LMAN1: variants seen among roughly 807,000 people sequenced by gnomAD.
LMAN1 encodes the protein protein ERGIC-53.
In LMAN1, 32 loss-of-function variants were observed where a neutral mutation model predicts 67.8. That is an observed-to-expected ratio of 0.47 (90% confidence interval 0.36 to 0.63). The LOEUF is 0.63. Ranked by LOEUF, LMAN1 falls within the 30% of genes least tolerant of loss-of-function variation. LMAN1 has a pLI of 0.00. For missense variants in LMAN1, 632 were observed against 628.2 expected, an observed-to-expected ratio of 1.01 and a Z score of -0.06; for synonymous variants, 235 against 219.3, an observed-to-expected ratio of 1.07 and a Z score of -0.63.
chr18:59,353,516 C>T (rs1908592680), intron 4 of LMAN1, among the ~76,000 whole-genome samples: 1 of 152,128 alleles, frequency 6.6e-6, no homozygotes, highest in African/African-American at 2.4e-5. Flanking sequence ...CATGTAGATT[C>T]CACTCCAAAT....
At chr18:59,345,524 T>C (rs1453641690) in intron 8 of LMAN1, among the ~76,000 whole-genome samples, 3 of 152,190 alleles carry the variant, frequency 2.0e-5, no homozygotes, top group South Asian at 4.1e-4. Context: ...AAACCAAAAA[T>C]ATACACTTTT....
intron 5 of LMAN1, among the ~76,000 whole-genome samples, chr18:59,352,234 A>G (rs988833784): frequency 1.3e-5 from 2 of 152,166 alleles, no homozygotes; most frequent in South Asian, 2.1e-4. Context: ...CCAAACAGAT[A>G]AAACACAAAC....
At chr18:59,331,893 T>C (rs1044648046) in intron 11 of LMAN1, among the ~76,000 whole-genome samples, 7 of 152,196 alleles carry the variant, frequency 4.6e-5, no homozygotes, top group Admixed American at 1.3e-4. Context: ...GTGTGATTAT[T>C]AGCACCCCTT....
chr18:59,356,405 G>C (rs9961223), intron 1 of LMAN1, among the ~76,000 whole-genome samples: 16,753 of 152,150 alleles, frequency 0.11, 1,576 homozygotes, highest in African/African-American at 0.26. Flanking sequence ...AGGTATTTAA[G>C]TGCCTACACA....
At chr18:59,357,955 C>A in intron 1 of LMAN1, among the ~76,000 whole-genome samples, 2 of 131,222 alleles carry the variant, frequency 1.5e-5, no homozygotes, top group African/African-American at 2.8e-5. Flanking sequence ...GTACCCTAAA[C>A]CTTATAGTAA....
In LMAN1 at chr18:59,330,743, G is replaced by A. The variant is rs1444286852; in HGVS notation, c.*350C>T. The A allele has an allele frequency of 4.4e-6, 1 of 229,438 alleles. No individual in the cohort carries two copies. The highest frequency in any genetic ancestry group is 2.3e-5 in the African/African-American group (1 of 43,274). The allele number at this position is 229,438 out of a possible 1,614,324, so 14.2% of individuals were successfully genotyped here. On this transcript the variant is annotated 3_prime_UTR_variant, in exon 13 of 13. Coordinates refer to ENST00000251047, the MANE Select transcript of LMAN1 (RefSeq NM_005570.4). ...TATTCTGGGAGGCATGAGGGCAAGT[G>A]TGTTTACGTTATACAGGGAAACCTG... is the stretch of plus-strand genomic sequence containing the variant.
rs761371701 is a variant in LMAN1, at chr18:59,345,923, C to G, written c.951G>C (p.Gln317His). ...GTCAGCTTTGCTACAACTCACCAGGCTGCCCTTGGAGGTCGGGGTGGCCCT... is the reference window on the plus strand; with the variant it reads ...GTCAGCTTTGCTACAACTCACCAGGGTGCCCTTGGAGGTCGGGGTGGCCCT... ...FQKGHPDLQG[Q>H]PAEEIFESVG... is the part of the protein sequence containing the mutation. Residue 317 changes from glutamine (Q) to histidine (H), a missense_variant, in exon 8 of 13, where the codon CAG (glutamine) becomes CAC (histidine). Physicochemically the swap from Gln to His is conservative, Grantham distance 24. Transcript: ENST00000251047. 6.2e-7 allele frequency: 1 copy of G among 1,613,888 alleles called. No individual in the cohort carries two copies. Among genetic ancestry groups the G allele is most frequent in the Non-Finnish European group, 8.5e-7 (1 of 1,180,036 alleles).
Position 59,348,568 on chromosome 18 carries a change from T to G in LMAN1, c.763+545A>C, listed in dbSNP as rs17696641. 3.9e-5 allele frequency among the ~76,000 whole-genome samples: 6 copies of G among 152,314 alleles called. 1 individual carries two copies. The South Asian group carries it at 8.3e-4, about 21-fold the overall frequency. ...AAATATTTAAAACTACAATGTGTCA[T>G]ATAAACATAAAATGGCATTGACGTT... On this transcript the variant is annotated intron_variant, in intron 6 of 12. Coordinates refer to ENST00000251047, the MANE Select transcript of LMAN1 (RefSeq NM_005570.4).
chr18:59,349,129 T>C lies in LMAN1; in HGVS notation c.747A>G (p.Ala249=). 6.2e-7 allele frequency: 1 copy of C among 1,614,100 alleles called. No homozygotes were observed. Among genetic ancestry groups the C allele is most frequent in the Non-Finnish European group, 8.5e-7 (1 of 1,179,958 alleles). Residue 249 remains alanine (A), a synonymous_variant, in exon 6 of 13, where the codon GCA becomes GCG. Coordinates refer to ENST00000251047, the MANE Select transcript of LMAN1 (RefSeq NM_005570.4). ...AAGATTTACCTGCAAGACCTCCAGT[T>C]GCAGCAGATATTCCAAAATGCCCTT... ...PAQGHFGISA[A]TGGLADDHDV... is the part of the protein sequence containing the mutation.
At chr18:59,350,506 A>T (rs1334608863) in intron 5 of LMAN1, among the ~76,000 whole-genome samples, 1 of 151,904 alleles carries the variant, frequency 6.6e-6, no homozygotes, top group African/African-American at 2.4e-5. Flanking sequence ...TTATTTATTT[A>T]TTTTTTGAGA....
intron 8 of LMAN1, among the ~76,000 whole-genome samples, chr18:59,344,855 T>A (rs551455205): frequency 6.6e-6 from 1 of 152,358 alleles, no homozygotes; most frequent in African/African-American, 2.4e-5. Context: ...TGTGTGATTC[T>A]ACTTATAAGA....
intron 8 of LMAN1, among the ~76,000 whole-genome samples, chr18:59,340,537 A>G (rs1350545291): frequency 6.6e-6 from 1 of 152,156 alleles, no homozygotes; most frequent in Admixed American, 6.5e-5. Context: ...ATATCCTGCT[A>G]GAATCAGCTT....
rs531038205 is a variant in LMAN1 at position 59,354,367 on chromosome 18, A to T, written c.539+152T>A. The T allele has an allele frequency of 8.2e-6, 5 of 610,070 alleles. No homozygotes were observed. The South Asian group carries it at 9.9e-5, about 12-fold the overall frequency. 37.8% of individuals were successfully genotyped at this position (610,070 alleles called of 1,614,324 possible). A position where few individuals can be genotyped will look rare whatever the true frequency, so the allele number is the denominator to read the frequency against. ...AGAACTTCAGAACAGAACCAAATAA[A>T]ATAAAACCTTTCTACCAAGTTACAA... On this transcript the variant is annotated intron_variant, in intron 4 of 12. Transcript: ENST00000251047.
chr18:59,339,009 A>G, intron 8 of LMAN1, 56 bp from the exon 9 acceptor site: 1 of 1,505,620 alleles, frequency 6.6e-7, no homozygotes. Context: ...GTAGTTTTTG[A>G]AATAACGTAA....
At position 59,330,150 on chromosome 18, in the gene LMAN1, A is replaced by T. The variant is rs1190614464; in HGVS notation, c.*943T>A. 1.3e-5 allele frequency: 2 copies of T among 152,630 alleles called. No homozygotes were observed. The highest frequency in any genetic ancestry group is 2.9e-5 in the Non-Finnish European group (2 of 68,018). 9.5% of individuals were successfully genotyped at this position (152,630 alleles called of 1,614,324 possible). On this transcript the variant is annotated 3_prime_UTR_variant, in exon 13 of 13. Coordinates refer to ENST00000251047, the MANE Select transcript of LMAN1 (RefSeq NM_005570.4). Reference sequence around the variant, plus strand: ...GCCTCCTTGATTTAAAAGAGTATGCAAATGGTCACTAACCCCAGCCAGCAT... The same window carrying T: ...GCCTCCTTGATTTAAAAGAGTATGCTAATGGTCACTAACCCCAGCCAGCAT...
In LMAN1 at chr18:59,333,162, G is replaced by A; in HGVS notation, c.1303C>T (p.His435Tyr). ...AGGTGCTCTTTGATGTCAATGAAGT[G>A]CTGTGTTGTCTCATAGACGCCTCCA... ...SAGGVYETTQHFIDIKEHLHI... is the reference protein window; with the variant it reads ...SAGGVYETTQYFIDIKEHLHI... Residue 435 changes from histidine to tyrosine, a missense_variant, in exon 11 of 13, where the codon CAC becomes TAC. Transcript: ENST00000251047. 6.2e-7 allele frequency: 1 copy of A among 1,613,366 alleles called. No homozygotes were observed. Among genetic ancestry groups the A allele is most frequent in the East Asian group, 2.2e-5 (1 of 44,858 alleles).
At chr18:59,348,277 G>A (rs1053126910) in intron 6 of LMAN1, among the ~76,000 whole-genome samples, 1 of 152,144 alleles carries the variant, frequency 6.6e-6, no homozygotes, top group African/African-American at 2.4e-5. Flanking sequence ...CTGTTTTTAC[G>A]GAATCTAGAG....
intron 1 of LMAN1, among the ~76,000 whole-genome samples, chr18:59,358,135 G>A (rs531525581): frequency 1.3e-5 from 2 of 152,286 alleles, no homozygotes; most frequent in South Asian, 2.1e-4. Context: ...AGTCAGCAGT[G>A]ACACATCAGC....
At chr18:59,347,609 T>C (rs8095115) in intron 6 of LMAN1, 38 bp from the exon 7 acceptor site, 6 of 1,308,164 alleles carry the variant, frequency 4.6e-6, no homozygotes, top group African/African-American at 2.9e-5. Context: ...AAAAGTTCCA[T>C]AGGAGATTAC....
Sources: allele counts gnomAD v4.1 joint callset (sites outside exome capture counted in the v4.1 genomes callset), GRCh38; gene constraint gnomAD v4.1.1; transcripts MANE v1.5; gene names NCBI Gene and HGNC (gene_info 2026-07-23, HGNC 2026-07-21).